The following COX10 variants were observed in gnomAD, a reference collection of about 807,000 sequenced individuals.
COX10 encodes cytochrome c oxidase assembly factor heme A:farnesyltransferase COX10, also known as protoheme IX farnesyltransferase, mitochondrial.
COX10 carries 27 observed loss-of-function variants against 37.3 expected under a neutral mutation model. That is an observed-to-expected ratio of 0.72 (90% CI 0.53 to 1.00). The LOEUF (loss-of-function observed/expected upper bound fraction) is 1.00, where lower values mean the gene tolerates loss of function less well. COX10 is among the 50% of genes least tolerant of loss of function. The probability of loss-of-function intolerance (pLI) is 0.00; values close to 1 mark genes in which losing one functional copy is unlikely to be tolerated. For missense variants in COX10, 475 were observed against 563.2 expected (o/e 0.84, Z 1.59); for synonymous variants, 222 against 229.1 (o/e 0.97, Z 0.28).
chr17:14,117,982 G>A (rs1280633959), intron 4 of COX10, among the ~76,000 whole-genome samples: 3 of 151,956 alleles, frequency 2.0e-5, no homozygotes, highest in Non-Finnish European at 2.9e-5. Flanking sequence ...GAGTCAGGCC[G>A]CCCACCTAGC....
At chr17:14,107,958 A>G (rs939052135) in intron 4 of COX10, among the ~76,000 whole-genome samples, 1 of 150,808 alleles carries the variant, frequency 6.6e-6, no homozygotes, top group African/African-American at 2.4e-5. Flanking sequence ...ATGTGGAAAA[A>G]CTCAGTGTTC....
At chr17:14,161,264 C>G (rs1226273850) in intron 5 of COX10, among the ~76,000 whole-genome samples, 1 of 152,202 alleles carries the variant, frequency 6.6e-6, no homozygotes, top group Non-Finnish European at 1.5e-5. Context: ...CCAAAAGACA[C>G]AGTCCCAAAT....
At chr17:14,134,728 AAGGTAG>A (rs1916540361) in intron 4 of COX10, among the ~76,000 whole-genome samples, 3 of 151,728 alleles carry the variant, frequency 2.0e-5, no homozygotes, top group Non-Finnish European at 4.4e-5. Flanking sequence ...TGTGCCTTTT[AAGGTAG>A]TAGTTTTTTG....
chr17:14,091,539 A>G (rs62054154), intron 3 of COX10, among the ~76,000 whole-genome samples: 9,671 of 152,276 alleles, frequency 0.064, 403 homozygotes, highest in East Asian at 0.11. Flanking sequence ...AAAGGAAAAG[A>G]AAACAATGAT....
At chr17:14,079,163 A>G (rs1430806297) in intron 3 of COX10, among the ~76,000 whole-genome samples, 2 of 152,264 alleles carry the variant, frequency 1.3e-5, no homozygotes, top group African/African-American at 4.8e-5. Flanking sequence ...ATAATAGATC[A>G]TTTAAGAATT....
intron 1 of COX10, 113 bp downstream of exon 1, chr17:14,069,761 G>C: frequency 1.5e-6 from 2 of 1,290,600 alleles, no homozygotes; most frequent in Non-Finnish European, 2.2e-6. Flanking sequence ...GAGGTTGGCC[G>C]GCCACCGGTG....
chr17:14,131,429 A>G (rs185006597), intron 4 of COX10, among the ~76,000 whole-genome samples: 305 of 152,226 alleles, frequency 2.0e-3, no homozygotes, highest in Admixed American at 5.6e-3. Flanking sequence ...AATTTTTCAT[A>G]TATGAGTATC....
intron 5 of COX10, among the ~76,000 whole-genome samples, chr17:14,174,466 A>C (rs1219863988): frequency 6.6e-6 from 1 of 151,912 alleles, no homozygotes; most frequent in African/African-American, 2.4e-5. Flanking sequence ...CAAAAAAAAA[A>C]AAAAAAAAAG....
At chr17:14,197,428 AT>A (rs894125844) in intron 6 of COX10, among the ~76,000 whole-genome samples, 31 of 152,024 alleles carry the variant, frequency 2.0e-4, no homozygotes, top group African/African-American at 5.1e-4. Context: ...TGGGATTCTG[AT>A]TTTTTTTCCC....
intron 5 of COX10, among the ~76,000 whole-genome samples, chr17:14,173,534 G>C (rs1456661383): frequency 1.3e-5 from 2 of 152,236 alleles, no homozygotes; most frequent in Non-Finnish European, 2.9e-5. Flanking sequence ...AAATACATGT[G>C]TAAGGATAAA....
At chr17:14,159,340 G>C (rs1597527589) in intron 4 of COX10, among the ~76,000 whole-genome samples, 1 of 152,322 alleles carries the variant, frequency 6.6e-6, no homozygotes, top group East Asian at 1.9e-4. Context: ...TTGTGTGAAA[G>C]ATTCTGAAAT....
chr17:14,097,691 T>C (rs1425133792), intron 3 of COX10, among the ~76,000 whole-genome samples: 1 of 152,182 alleles, frequency 6.6e-6, no homozygotes, highest in Non-Finnish European at 1.5e-5. Flanking sequence ...TTAAACAAAA[T>C]GAACTTTCTT....
At chr17:14,090,289 T>G (rs1462991330) in intron 3 of COX10, among the ~76,000 whole-genome samples, 1 of 152,126 alleles carries the variant, frequency 6.6e-6, no homozygotes, top group East Asian at 1.9e-4. Flanking sequence ...TGTAGCATCT[T>G]ATTTATTAAG....
intron 3 of COX10, among the ~76,000 whole-genome samples, chr17:14,098,226 G>C (rs1490791543): frequency 3.3e-5 from 5 of 152,178 alleles, no homozygotes; most frequent in Non-Finnish European, 7.3e-5. Context: ...TATTTTGGCT[G>C]ATTTACTCTA....
chr17:14,203,285 G>C (rs1906599638), intron 6 of COX10, among the ~76,000 whole-genome samples: 1 of 152,032 alleles, frequency 6.6e-6, no homozygotes, highest in South Asian at 2.1e-4. Flanking sequence ...GAATTTGGGG[G>C]ATTTGACAGT....
At chr17:14,147,281 TGTG>T (rs927889452) in intron 4 of COX10, among the ~76,000 whole-genome samples, 3 of 152,128 alleles carry the variant, frequency 2.0e-5, no homozygotes, top group African/African-American at 7.2e-5. Context: ...ATAAAGAAAA[TGTG>T]GTACTTATAC....
At chr17:14,194,466 G>A (rs559846596) in intron 6 of COX10, among the ~76,000 whole-genome samples, 154 of 152,232 alleles carry the variant, frequency 1.0e-3, no homozygotes, top group Non-Finnish European at 1.9e-3. Flanking sequence ...TCGCTCTGTC[G>A]CCCAGGCTGG....
chr17:14,112,717 G>A (rs1260651083), intron 4 of COX10, among the ~76,000 whole-genome samples: 1 of 152,132 alleles, frequency 6.6e-6, no homozygotes, highest in African/African-American at 2.4e-5. Flanking sequence ...GGTTAGATGG[G>A]TTTTTTACTA....
intron 3 of COX10, among the ~76,000 whole-genome samples, chr17:14,080,796 T>A (rs1915276400): frequency 6.6e-6 from 1 of 152,226 alleles, no homozygotes; most frequent in African/African-American, 2.4e-5. Flanking sequence ...ATTTTGTCCT[T>A]TTCTTTTTTT....
Sources: allele counts gnomAD v4.1 joint callset (sites outside exome capture counted in the v4.1 genomes callset), GRCh38; gene constraint gnomAD v4.1.1; transcripts MANE v1.5; gene names NCBI Gene and HGNC (gene_info 2026-07-23, HGNC 2026-07-21).